BCAS1: variants seen among roughly 807,000 people sequenced by gnomAD.
BCAS1 encodes brain enriched myelin associated protein 1.
In BCAS1, 46 loss-of-function variants were observed where a neutral mutation model predicts 65.4. The observed-to-expected ratio is 0.70, with a 90% CI of 0.55 to 0.90. BCAS1 has a LOEUF of 0.90. BCAS1 is among the 40% of genes least tolerant of loss of function. BCAS1 has a pLI of 0.00. For missense variants in BCAS1, 793 were observed against 771.2 expected (o/e 1.03, Z -0.33); for synonymous variants, 298 against 293.5 (o/e 1.02, Z -0.16).
intron 3 of BCAS1, among the ~76,000 whole-genome samples, chr20:54,055,813 T>C (rs1601018041): frequency 6.6e-6 from 1 of 152,194 alleles, no homozygotes; most frequent in Non-Finnish European, 1.5e-5. Flanking sequence ...CATATACATA[T>C]ACATGTGTGT....
chr20:53,958,529 C>T (rs2089775101), intron 10 of BCAS1, among the ~76,000 whole-genome samples: 1 of 152,210 alleles, frequency 6.6e-6, no homozygotes, highest in Admixed American at 6.5e-5. Flanking sequence ...TAAGAATCCA[C>T]AACACATGCA....
chr20:53,981,309 T>C (rs2090472418), intron 8 of BCAS1, among the ~76,000 whole-genome samples: 1 of 152,192 alleles, frequency 6.6e-6, no homozygotes, highest in African/African-American at 2.4e-5. Context: ...CCAGACTTTC[T>C]TAACCAGAAT....
At chr20:54,049,694 C>A (rs1324404947) in intron 3 of BCAS1, among the ~76,000 whole-genome samples, 1 of 152,132 alleles carries the variant, frequency 6.6e-6, no homozygotes, top group Non-Finnish European at 1.5e-5. Flanking sequence ...GCGTGAGCCA[C>A]TGCACCCATC....
intron 12 of BCAS1, among the ~76,000 whole-genome samples, chr20:53,949,995 A>G (rs1028901595): frequency 5.9e-5 from 9 of 152,206 alleles, no homozygotes; most frequent in African/African-American, 2.2e-4. Flanking sequence ...ACCTGTATTA[A>G]CTAGCTCCTA....
intron 4 of BCAS1, among the ~76,000 whole-genome samples, chr20:54,006,491 C>T (rs1284387785): frequency 1.3e-5 from 2 of 152,218 alleles, no homozygotes; most frequent in Admixed American, 6.5e-5. Context: ...AGGCAGATCA[C>T]CCGAGGTCAG....
intron 4 of BCAS1, among the ~76,000 whole-genome samples, chr20:54,021,309 T>C (rs1271537583): frequency 6.6e-6 from 1 of 151,362 alleles, no homozygotes; most frequent in Non-Finnish European, 1.5e-5. Context: ...AATATCACAA[T>C]AGAGTCACAC....
intron 10 of BCAS1, among the ~76,000 whole-genome samples, chr20:53,966,202 C>A (rs1400237533): frequency 6.6e-6 from 1 of 152,172 alleles, no homozygotes; most frequent in African/African-American, 2.4e-5. Context: ...GCACAATTCA[C>A]AATTGCAAAG....
chr20:53,968,797 C>T (rs1323740633), intron 9 of BCAS1, among the ~76,000 whole-genome samples: 2 of 152,174 alleles, frequency 1.3e-5, no homozygotes, highest in Non-Finnish European at 2.9e-5. Flanking sequence ...GTCAAGCTGT[C>T]CCATCTAAAG....
chr20:53,965,092 C>T (rs2089992387), intron 10 of BCAS1, among the ~76,000 whole-genome samples: 1 of 152,176 alleles, frequency 6.6e-6, no homozygotes, highest in African/African-American at 2.4e-5. Context: ...TCTTAATCTC[C>T]ATTTTCACTG....
chr20:54,017,891 AAAAC>A (rs963784627), intron 4 of BCAS1, among the ~76,000 whole-genome samples: 1 of 152,192 alleles, frequency 6.6e-6, no homozygotes, highest in Non-Finnish European at 1.5e-5. Context: ...AATGTTACGG[AAAAC>A]AAACAAACAA....
At chr20:54,061,543 T>C (rs1329666511) in intron 1 of BCAS1, among the ~76,000 whole-genome samples, 2 of 152,222 alleles carry the variant, frequency 1.3e-5, no homozygotes, top group African/African-American at 2.4e-5. Flanking sequence ...CACCAGGGAT[T>C]CTTGTGGATC....
In BCAS1 at chr20:53,966,915, G is replaced by C. The variant is rs977136437; in HGVS notation, c.1476C>G (p.Leu492=). The C allele has an allele frequency of 5.6e-6, 9 of 1,607,846 alleles. No homozygotes were observed. The highest frequency in any genetic ancestry group is 4.5e-5 in the East Asian group (2 of 44,836). The part of the protein sequence containing the change: ...SKPRTSLMAF[L]RQMSVKGDGG... ...GAAGTAAGGGGCTTACCATTTGTCT[G>C]AGAAACGCCATCAGAGAGGTTCTTG... The change falls in exon 10 of 13, where the codon CTC becomes CTG. Residue 492 remains leucine (L), a synonymous_variant. Coordinates refer to ENST00000688948, the MANE Select transcript of BCAS1 (RefSeq NM_001366298.2).
chr20:53,988,691 C>T (rs769989345), intron 7 of BCAS1, among the ~76,000 whole-genome samples: 1 of 152,148 alleles, frequency 6.6e-6, no homozygotes, highest in Non-Finnish European at 1.5e-5. Context: ...TTTGAAATAT[C>T]CAATAAATTA....
chr20:54,030,568 T>C (rs1272929875), intron 3 of BCAS1, among the ~76,000 whole-genome samples: 1 of 141,134 alleles, frequency 7.1e-6, no homozygotes, highest in African/African-American at 2.5e-5. Context: ...GATCTATTCA[T>C]ACTGCTCATT....
intron 3 of BCAS1, among the ~76,000 whole-genome samples, chr20:54,054,440 T>C (rs1300135082): frequency 6.6e-6 from 1 of 152,178 alleles, no homozygotes; most frequent in East Asian, 1.9e-4. Context: ...CATGGTCAAA[T>C]AATTCTCTCT....
intron 8 of BCAS1, among the ~76,000 whole-genome samples, chr20:53,975,781 C>A (rs776016780): frequency 3.9e-5 from 6 of 151,988 alleles, no homozygotes; most frequent in Non-Finnish European, 7.4e-5. Flanking sequence ...GAGAGAAATG[C>A]AATTAATCAT....
chr20:54,065,753 C>T (rs1198958775), intron 1 of BCAS1, among the ~76,000 whole-genome samples: 1 of 152,178 alleles, frequency 6.6e-6, no homozygotes. Context: ...CTCTGGCTCA[C>T]CCTGGCCATA....
chr20:53,957,523 T>C (rs1461622227), intron 10 of BCAS1, 26 bp from the exon 11 acceptor site: 1 of 1,600,906 alleles, frequency 6.2e-7, no homozygotes, highest in Non-Finnish European at 8.6e-7. Flanking sequence ...GACAATGGCC[T>C]TCAGCCACAA....
chr20:54,049,565 CCT>C (rs750755595), intron 3 of BCAS1, among the ~76,000 whole-genome samples: 29 of 150,782 alleles, frequency 1.9e-4, no homozygotes, highest in Non-Finnish European at 3.1e-4. Flanking sequence ...ATGAAAATAG[CCT>C]CTACTTTTTT....
Sources: gnomAD v4.1 joint callset for allele counts (sites outside exome capture counted in the v4.1 genomes callset) on GRCh38, gnomAD v4.1.1 for gene constraint, MANE v1.5 for transcripts, NCBI Gene and HGNC (gene_info 2026-07-23, HGNC 2026-07-21) for gene names.